Variants in DIS3L2 observed in about 807,000 individuals in gnomAD.
DIS3L2 encodes the protein DIS3 like 3'-5' exoribonuclease 2, also known as DIS3-like exonuclease 2.
In DIS3L2, 34 loss-of-function variants were observed where a neutral mutation model predicts 97.5. The observed-to-expected ratio is 0.35, with a 90% CI of 0.27 to 0.46. The LOEUF (loss-of-function observed/expected upper bound fraction) is 0.46. Ranked by LOEUF, DIS3L2 falls within the 20% of genes least tolerant of loss-of-function variation. DIS3L2 has a pLI of 1.00. For missense variants in DIS3L2, 1,038 were observed against 1,146.0 expected (o/e 0.91, Z 1.36); for synonymous variants, 435 against 445.2 (o/e 0.98, Z 0.29).
chr2:232,287,084 G>A (rs2106307518), intron 13 of DIS3L2, among the ~76,000 whole-genome samples: 1 of 152,246 alleles, frequency 6.6e-6, no homozygotes, highest in Non-Finnish European at 1.5e-5. Context: ...AGAAGATCTA[G>A]ACTAGACTAA....
chr2:232,128,074 T>G (rs1307652783), intron 6 of DIS3L2, among the ~76,000 whole-genome samples: 1 of 151,832 alleles, frequency 6.6e-6, no homozygotes, highest in East Asian at 1.9e-4. Flanking sequence ...CGTGAACCTC[T>G]CAGGTAGCTG....
intron 1 of DIS3L2, among the ~76,000 whole-genome samples, chr2:231,982,447 T>C (rs1340874130): frequency 6.6e-6 from 1 of 152,222 alleles, no homozygotes; most frequent in Non-Finnish European, 1.5e-5. Context: ...GTATTTCATC[T>C]TTCTGCAGTT....
chr2:232,133,085 C>T (rs892704130), intron 7 of DIS3L2, among the ~76,000 whole-genome samples: 4 of 152,086 alleles, frequency 2.6e-5, no homozygotes, highest in Admixed American at 2.6e-4. Flanking sequence ...TCCTTGTGGG[C>T]CAGAGACTTC....
intron 5 of DIS3L2, among the ~76,000 whole-genome samples, chr2:232,069,731 G>A (rs1695955995): frequency 6.6e-6 from 1 of 152,132 alleles, no homozygotes; most frequent in Non-Finnish European, 1.5e-5. Flanking sequence ...GGAGCTACTG[G>A]TATCCTTGCA....
chr2:232,010,059 G>A (rs1429492282), intron 1 of DIS3L2, among the ~76,000 whole-genome samples: 1 of 152,136 alleles, frequency 6.6e-6, no homozygotes, highest in Non-Finnish European at 1.5e-5. Context: ...GGGATGATAG[G>A]AGCCCCAGGC....
intron 10 of DIS3L2, among the ~76,000 whole-genome samples, chr2:232,227,023 T>C (rs961065687): frequency 6.6e-6 from 1 of 151,950 alleles, no homozygotes; most frequent in African/African-American, 2.4e-5. Context: ...GGAAATTGAG[T>C]TATAACTAAC....
Position 231,974,622 on chromosome 2 carries a change from T to A in DIS3L2, c.-94+12857T>A, listed in dbSNP as rs536514806. ...GAACATATGGAATACAATTCTTTTT[T>A]AAAAAAATTTTTTTACATAGCTGTC... On this transcript the variant is annotated intron_variant, in intron 1 of 20. Coordinates refer to ENST00000325385, the MANE Select transcript of DIS3L2 (RefSeq NM_152383.5). Among the ~76,000 whole-genome samples the A allele has an allele frequency of 8.2e-4, 125 of 152,084 alleles. 1 individual carries two copies. The highest frequency in any genetic ancestry group is 1.5e-3 in the African/African-American group (64 of 41,520).
At chr2:232,330,156 C>G (rs1182558079) in intron 15 of DIS3L2, among the ~76,000 whole-genome samples, 160 bp downstream of exon 15, 1 of 152,196 alleles carries the variant, frequency 6.6e-6, no homozygotes, top group Admixed American at 6.5e-5. Flanking sequence ...AAGGGCCCCT[C>G]TGAGTCACAG....
chr2:232,086,682 T>TATATATACAC, intron 5 of DIS3L2, among the ~76,000 whole-genome samples: 1 of 143,442 alleles, frequency 7.0e-6, no homozygotes, highest in Non-Finnish European at 1.5e-5. Context: ...TGTGTGTATA[T>TATATATACAC]ATATATTTTT....
At position 232,080,547 on chromosome 2, in the gene DIS3L2, T is replaced by A. The variant is rs561674282; in HGVS notation, c.367-6940T>A. ...CGAATTAATGATATTCATTGTCTAA[T>A]CACTATTTACATTTCTCAGATTTTT... On this transcript the variant is annotated intron_variant, in intron 5 of 20. Coordinates refer to ENST00000325385, the MANE Select transcript of DIS3L2 (RefSeq NM_152383.5). Among the ~76,000 whole-genome samples, 36 of 152,288 alleles carry A rather than the reference T, an allele frequency of 2.4e-4. 1 individual carries two copies. The South Asian group carries it at 3.7e-3, about 16-fold the overall frequency.
At chr2:232,134,598 G>A (rs1574900984) in intron 7 of DIS3L2, among the ~76,000 whole-genome samples, 1 of 152,146 alleles carries the variant, frequency 6.6e-6, no homozygotes, top group East Asian at 1.9e-4. Context: ...GCCAAGGCGG[G>A]CAGATCTCTT....
chr2:232,017,251 A>G (rs1694380852), intron 3 of DIS3L2, among the ~76,000 whole-genome samples: 1 of 151,994 alleles, frequency 6.6e-6, no homozygotes, highest in African/African-American at 2.4e-5. Context: ...TAGTCATGCC[A>G]TCATGCCTGG....
intron 14 of DIS3L2, among the ~76,000 whole-genome samples, chr2:232,322,362 GC>G (rs1695460571): frequency 6.6e-6 from 1 of 152,210 alleles, no homozygotes; most frequent in African/African-American, 2.4e-5. Flanking sequence ...GTGGCAAAGT[GC>G]CTGGCAGTCT....
chr2:232,317,540 G>A (rs775875259), intron 14 of DIS3L2, among the ~76,000 whole-genome samples: 2 of 152,072 alleles, frequency 1.3e-5, no homozygotes, highest in Non-Finnish European at 2.9e-5. Flanking sequence ...GGGTTCAAGC[G>A]ATTCATGTGC....
chr2:232,049,677 A>C (rs1177522733), intron 5 of DIS3L2, among the ~76,000 whole-genome samples: 1 of 152,224 alleles, frequency 6.6e-6, no homozygotes, highest in Non-Finnish European at 1.5e-5. Flanking sequence ...AATAATTAAA[A>C]GAGATCAAAT....
chr2:232,030,045 G>A lies in DIS3L2; in HGVS notation c.331G>A (p.Val111Met), dbSNP rs1219666991. The A allele has an allele frequency of 1.2e-6, 2 of 1,611,540 alleles. No individual in the cohort carries two copies. Among genetic ancestry groups the A allele is most frequent in the Non-Finnish European group, 1.7e-6 (2 of 1,179,072 alleles). The change falls in exon 5 of 21, where the codon GTG becomes ATG. Residue 111 changes from valine (V) to methionine (M), a missense_variant. Around this residue, in one of 3 missense-constraint regions of DIS3L2, gnomAD observed 813 missense variants for 880.1 expected, o/e 0.92. Coordinates refer to ENST00000325385, the MANE Select transcript of DIS3L2 (RefSeq NM_152383.5). ...ARNRALNGDL[V>M]VVKLLPEEHW... ...TAATAGAGCCTTAAATGGGGATCTG[G>A]TGGTCGTGAAACTGCTTCCCGAGGA...
chr2:232,215,268 C>T (rs1010502272), intron 10 of DIS3L2, among the ~76,000 whole-genome samples: 44 of 152,180 alleles, frequency 2.9e-4, no homozygotes, highest in African/African-American at 1.0e-3. Context: ...CCTCTCTGAA[C>T]CATGAAACTA....
intron 10 of DIS3L2, among the ~76,000 whole-genome samples, chr2:232,232,821 T>C (rs1185062765): frequency 1.3e-5 from 2 of 152,034 alleles, no homozygotes; most frequent in African/African-American, 2.4e-5. Context: ...TCCCTGGAAG[T>C]AGATGAGACA....
intron 5 of DIS3L2, among the ~76,000 whole-genome samples, chr2:232,082,213 G>A (rs1206544370): frequency 6.6e-6 from 1 of 152,074 alleles, no homozygotes; most frequent in East Asian, 1.9e-4. Context: ...ATGTGTTTTA[G>A]GATAATAACA....
Sources: gnomAD v4.1 joint callset for allele counts (sites outside exome capture counted in the v4.1 genomes callset) on GRCh38, gnomAD v4.1.1 for gene constraint, gnomAD v4.1.1 regional missense constraint, MANE v1.5 for transcripts, NCBI Gene and HGNC (gene_info 2026-07-23, HGNC 2026-07-21) for gene names.